NUSAP1: variants seen among roughly 807,000 people sequenced by gnomAD.
The protein encoded by NUSAP1 is nucleolar and spindle associated protein 1.
In NUSAP1, 32 loss-of-function variants were observed where a neutral mutation model predicts 52.8. That is an observed-to-expected ratio of 0.61 (90% CI 0.46 to 0.81). NUSAP1 has a LOEUF of 0.81. Ranked by LOEUF, NUSAP1 falls within the 40% of genes least tolerant of loss-of-function variation. The pLI, the probability that NUSAP1 is intolerant of heterozygous loss-of-function variation, is 0.00. For missense variants in NUSAP1, 499 were observed against 522.3 expected (o/e 0.96, Z 0.43); for synonymous variants, 195 against 183.1 (o/e 1.06, Z -0.52).
At chr15:41,375,879 T>C (rs1217799576) in intron 9 of NUSAP1, 51 bp downstream of exon 9, 2 of 1,259,762 alleles carry the variant, frequency 1.6e-6, no homozygotes, top group Middle Eastern at 1.8e-4. Context: ...TTAAGATTGG[T>C]GGGACGCAGT....
At chr15:41,366,393 C>T (rs910314860) in intron 7 of NUSAP1, among the ~76,000 whole-genome samples, 2 of 150,734 alleles carry the variant, frequency 1.3e-5, no homozygotes, top group Admixed American at 6.6e-5. Flanking sequence ...CAGGTTCAAG[C>T]GATTCTCAGC....
chr15:41,380,423 T>C lies in NUSAP1; in HGVS notation c.*237T>C. ...TAAGTCCATTAACAATTCAGGTTTCTAACGAGACCCATCCTAAAATTCTGT... is the reference window on the plus strand; with the variant it reads ...TAAGTCCATTAACAATTCAGGTTTCCAACGAGACCCATCCTAAAATTCTGT... On this transcript the variant is annotated 3_prime_UTR_variant, in exon 11 of 11. Coordinates refer to ENST00000559596, the MANE Select transcript of NUSAP1 (RefSeq NM_016359.5). The C allele has an allele frequency of 3.3e-6, 1 of 301,240 alleles. No homozygotes were observed. The highest frequency in any genetic ancestry group is 5.3e-5 in the South Asian group (1 of 18,874). 18.7% of individuals were successfully genotyped at this position (301,240 alleles called of 1,614,324 possible). A position where few individuals can be genotyped will look rare whatever the true frequency, so the allele number is the denominator to read the frequency against.
chr15:41,380,402 T>C lies in NUSAP1; in HGVS notation c.*216T>C, dbSNP rs1159043220. On this transcript the variant is annotated 3_prime_UTR_variant, in exon 11 of 11. Transcript: ENST00000559596. The stretch of plus-strand genomic sequence containing the variant: ...TTCTTTGGGATGGTTTTTACTTAAG[T>C]CCATTAACAATTCAGGTTTCTAACG... 3 of 368,306 alleles carry C rather than the reference T, an allele frequency of 8.1e-6. No homozygotes were observed. Among genetic ancestry groups the C allele is most frequent in the East Asian group, 4.8e-5 (1 of 20,708 alleles). The allele number at this position is 368,306 out of a possible 1,614,324, so 22.8% of individuals were successfully genotyped here.
rs554140072 is a variant in NUSAP1 at position 41,369,839 on chromosome 15, G to C, written c.849-1688G>C. Among the ~76,000 whole-genome samples, 3 of 151,826 alleles carry C rather than the reference G, an allele frequency of 2.0e-5. No individual in the cohort carries two copies. In the East Asian group the frequency reaches 5.8e-4, roughly 29 times the overall value. On this transcript the variant is annotated intron_variant, in intron 7 of 10. Coordinates refer to ENST00000559596, the MANE Select transcript of NUSAP1 (RefSeq NM_016359.5). ...TCCTAGCACTTTGGGAGGCCGAGGC[G>C]GGCAGATCACGAGGTCAGGAGTTCA...
Position 41,380,858 on chromosome 15 carries a change from G to C in NUSAP1, c.*672G>C, listed in dbSNP as rs2050179453. ...GAAATGCGAGGATTAATGCTTTAATGCTTTTAGAGACAGGGTCTCACTGTG... is the reference window on the plus strand; with the variant it reads ...GAAATGCGAGGATTAATGCTTTAATCCTTTTAGAGACAGGGTCTCACTGTG... On this transcript the variant is annotated 3_prime_UTR_variant, in exon 11 of 11. Coordinates refer to ENST00000559596, the MANE Select transcript of NUSAP1 (RefSeq NM_016359.5). 1 of 152,116 alleles carries C rather than the reference G, an allele frequency of 6.6e-6. No homozygotes were observed. Among genetic ancestry groups the C allele is most frequent in the Non-Finnish European group, 1.5e-5 (1 of 68,036 alleles). The allele number at this position is 152,116 out of a possible 1,614,324, so 9.4% of individuals were successfully genotyped here.
intron 1 of NUSAP1, among the ~76,000 whole-genome samples, chr15:41,336,410 C>T (rs1213292553): frequency 6.6e-6 from 1 of 150,582 alleles, no homozygotes; most frequent in East Asian, 1.9e-4. Context: ...TCACTCATGC[C>T]CTCACTTCCT....
intron 8 of NUSAP1, among the ~76,000 whole-genome samples, chr15:41,372,969 T>G (rs915299660): frequency 5.3e-5 from 8 of 151,396 alleles, no homozygotes; most frequent in African/African-American, 1.9e-4. Context: ...GCACCTATCA[T>G]CCCAACTACT....
chr15:41,355,007 G>A (rs1465857338), intron 4 of NUSAP1, among the ~76,000 whole-genome samples: 13 of 150,344 alleles, frequency 8.6e-5, no homozygotes, highest in African/African-American at 1.5e-4. Flanking sequence ...GCGAAAGAGC[G>A]AGACTCCATC....
chr15:41,372,319 G>A (rs2049734874), intron 8 of NUSAP1, among the ~76,000 whole-genome samples: 1 of 152,126 alleles, frequency 6.6e-6, no homozygotes, highest in African/African-American at 2.4e-5. Flanking sequence ...GGAGGACTCT[G>A]ACACTAACAG....
intron 2 of NUSAP1, among the ~76,000 whole-genome samples, chr15:41,346,970 C>T (rs1160308799): frequency 1.3e-5 from 2 of 151,972 alleles, no homozygotes; most frequent in East Asian, 1.9e-4. Context: ...GTCAGGAGTT[C>T]GAGACCAGCC....
At chr15:41,336,655 T>TGTTTTTTTTTTTTATTTG (rs748827154) in intron 1 of NUSAP1, among the ~76,000 whole-genome samples, 1 of 141,190 alleles carries the variant, frequency 7.1e-6, no homozygotes, top group African/African-American at 2.7e-5. Flanking sequence ...TTGGTTTTTT[T>TGTTTTTTTTTTTTATTTG]TTTTTTTTTT....
intron 7 of NUSAP1, 33 bp from the exon 8 acceptor site, chr15:41,371,494 T>A: frequency 6.5e-7 from 1 of 1,540,564 alleles, no homozygotes; most frequent in Non-Finnish European, 8.7e-7. Context: ...CTTGCCACAG[T>A]ACTCATGTCT....
chr15:41,344,901 G>A (rs955754318), intron 2 of NUSAP1, among the ~76,000 whole-genome samples: 28 of 151,978 alleles, frequency 1.8e-4, no homozygotes, highest in Admixed American at 1.2e-3. Context: ...AGATTACGCC[G>A]CTGCATTCCA....
At chr15:41,351,592 C>G (rs1456214988) in intron 4 of NUSAP1, among the ~76,000 whole-genome samples, 3 of 152,088 alleles carry the variant, frequency 2.0e-5, no homozygotes, top group Non-Finnish European at 4.4e-5. Context: ...TCAGGACCAG[C>G]CTGGGCAACA....
At chr15:41,374,342 ACTT>A (rs904999060) in intron 8 of NUSAP1, among the ~76,000 whole-genome samples, 1 of 152,140 alleles carries the variant, frequency 6.6e-6, no homozygotes, top group African/African-American at 2.4e-5. Context: ...CAGACTACCA[ACTT>A]CTTGTTGTAT....
At chr15:41,357,097 G>C (rs35882899) in intron 5 of NUSAP1, among the ~76,000 whole-genome samples, 1 of 152,032 alleles carries the variant, frequency 6.6e-6, no homozygotes, top group Non-Finnish European at 1.5e-5. Context: ...GGCCGGGTGC[G>C]GTTCTCACAC....
intron 7 of NUSAP1, 91 bp from the exon 8 acceptor site, chr15:41,371,436 C>CTT: frequency 9.1e-7 from 1 of 1,103,508 alleles, no homozygotes. Flanking sequence ...CTTTTCACTG[C>CTT]TTGCTAATAG....
chr15:41,358,053 G>A (rs1369061760), intron 5 of NUSAP1, 96 bp from the exon 6 acceptor site: 9 of 536,142 alleles, frequency 1.7e-5, no homozygotes, highest in African/African-American at 4.0e-5. Context: ...GAATGTCAGG[G>A]ATGCAAAGAA....
chr15:41,341,087 G>C (rs1464547427), intron 1 of NUSAP1, among the ~76,000 whole-genome samples: 3 of 152,122 alleles, frequency 2.0e-5, no homozygotes, highest in African/African-American at 7.2e-5. Flanking sequence ...TTTTTAAACG[G>C]AGTCTTGCTC....
Sources: allele counts gnomAD v4.1 joint callset (sites outside exome capture counted in the v4.1 genomes callset), GRCh38; gene constraint gnomAD v4.1.1; transcripts MANE v1.5; gene names NCBI Gene and HGNC (gene_info 2026-07-23, HGNC 2026-07-21).